ARHGDIB: variants seen among roughly 807,000 people sequenced by gnomAD.
ARHGDIB encodes the protein Rho GDP dissociation inhibitor beta.
In ARHGDIB, 20 loss-of-function variants were observed where a neutral mutation model predicts 22.6. That is an observed-to-expected ratio of 0.88 (90% CI 0.62 to 1.28). The LOEUF is 1.28. ARHGDIB is among the 50% of genes most tolerant of loss of function. ARHGDIB has a pLI of 0.00. For synonymous variants in ARHGDIB, 114 were observed against 96.1 expected, an observed-to-expected ratio of 1.19 and a Z score of -1.09; for missense variants, 254 against 245.4, an observed-to-expected ratio of 1.04 and a Z score of -0.23.
At chr12:14,955,440 T>C (rs1057080358) in intron 1 of ARHGDIB, among the ~76,000 whole-genome samples, 1 of 152,224 alleles carries the variant, frequency 6.6e-6, no homozygotes, top group African/African-American at 2.4e-5. Context: ...ATGAATCAAT[T>C]TCTTAAAAAG....
chr12:14,960,461 T>C (rs1864387306), intron 1 of ARHGDIB, among the ~76,000 whole-genome samples: 1 of 152,190 alleles, frequency 6.6e-6, no homozygotes, highest in Admixed American at 6.5e-5. Flanking sequence ...GTTTTCCATG[T>C]TTGCTGTTAG....
At chr12:14,947,803 G>A in intron 4 of ARHGDIB, 70 bp downstream of exon 4, 3 of 1,294,652 alleles carry the variant, frequency 2.3e-6, no homozygotes, top group Non-Finnish European at 2.2e-6. Flanking sequence ...ACATGATCAT[G>A]CAAGAAATGT....
At chr12:14,949,073 T>C (rs2120711167) in intron 3 of ARHGDIB, among the ~76,000 whole-genome samples, 1 of 152,206 alleles carries the variant, frequency 6.6e-6, no homozygotes. Flanking sequence ...CTCACAAGAG[T>C]CCAATTTTTT....
chr12:14,956,820 C>A lies in ARHGDIB; in HGVS notation c.-13+4717G>T, dbSNP rs183402306. ...AGCATTAGATGTGCTGAGATGGGGA[C>A]TTAATCTTCTCAGGCTCAATTAAAA... On this transcript the variant is annotated intron_variant, in intron 1 of 5. Transcript: ENST00000228945. Among the ~76,000 whole-genome samples, 3 of 152,316 alleles carry A rather than the reference C, an allele frequency of 2.0e-5. No homozygotes were observed. The East Asian group carries it at 5.8e-4, about 29-fold the overall frequency.
intron 1 of ARHGDIB, among the ~76,000 whole-genome samples, chr12:14,959,481 C>T (rs1354403079): frequency 6.6e-6 from 1 of 152,172 alleles, no homozygotes; most frequent in Non-Finnish European, 1.5e-5. Flanking sequence ...TTCTCAGGAA[C>T]AAAATTTGAA....
In ARHGDIB at chr12:14,951,338, C is replaced by A. The variant is rs1172571649; in HGVS notation, c.-12-614G>T. ...GGTTCACACCCAACACTGCTAATCA[C>A]CCCTCAAGGGTGGGTACTAGGTTTG... On this transcript the variant is annotated intron_variant, in intron 1 of 5. Coordinates refer to ENST00000228945, the MANE Select transcript of ARHGDIB (RefSeq NM_001175.7). Among the ~76,000 whole-genome samples the A allele has an allele frequency of 2.0e-5, 3 of 152,224 alleles. No homozygotes were observed. In the East Asian group the frequency reaches 5.8e-4, roughly 29 times the overall value.
chr12:14,948,100 G>GCGCGCT, intron 3 of ARHGDIB, 151 bp from the exon 4 acceptor site: 3 of 436,270 alleles, frequency 6.9e-6, no homozygotes, highest in Non-Finnish European at 1.3e-5. Context: ...TTTAGTCCTT[G>GCGCGCT]CACACACACA....
intron 5 of ARHGDIB, 150 bp from the exon 6 acceptor site, chr12:14,942,871 TC>T: frequency 3.0e-6 from 2 of 656,808 alleles, no homozygotes; most frequent in Non-Finnish European, 5.0e-6. Flanking sequence ...ACCTGAGGCA[TC>T]TTTTTTTTTT....
At chr12:14,955,976 T>C (rs1318186517) in intron 1 of ARHGDIB, among the ~76,000 whole-genome samples, 15 of 152,216 alleles carry the variant, frequency 9.9e-5, no homozygotes, top group Non-Finnish European at 1.9e-4. Context: ...AGTAACTTTG[T>C]TGGCATCATC....
At chr12:14,957,317 C>T (rs1864323394) in intron 1 of ARHGDIB, among the ~76,000 whole-genome samples, 1 of 152,124 alleles carries the variant, frequency 6.6e-6, no homozygotes, top group Admixed American at 6.5e-5. Context: ...AATATTTGTT[C>T]CCTTCCTCTT....
intron 1 of ARHGDIB, among the ~76,000 whole-genome samples, chr12:14,955,658 G>T (rs1169188879): frequency 6.6e-6 from 1 of 152,080 alleles, no homozygotes; most frequent in Non-Finnish European, 1.5e-5. Context: ...TTATTTCTGG[G>T]TAACCTCAGT....
At chr12:14,944,283 A>G (rs1863954610) in intron 5 of ARHGDIB, among the ~76,000 whole-genome samples, 1 of 151,816 alleles carries the variant, frequency 6.6e-6, no homozygotes, top group Non-Finnish European at 1.5e-5. Flanking sequence ...TCAATCCTAG[A>G]AAATATTTTT....
rs1048650473 is a variant in ARHGDIB at position 14,942,052 on chromosome 12, G to A, written c.*470C>T. The A allele has an allele frequency of 6.0e-6, 1 of 166,730 alleles. No homozygotes were observed. Among genetic ancestry groups the A allele is most frequent in the Non-Finnish European group, 1.3e-5 (1 of 75,998 alleles). 10.3% of individuals were successfully genotyped at this position (166,730 alleles called of 1,614,324 possible). A position where few individuals can be genotyped will look rare whatever the true frequency, so the allele number is the denominator to read the frequency against. ...CACACACAGTTATTGTTTTATTCTT[G>A]TTCTCTTGTGTCGTTTACAGTGTCT... is the stretch of plus-strand genomic sequence containing the variant. On this transcript the variant is annotated 3_prime_UTR_variant, in exon 6 of 6. Coordinates refer to ENST00000228945, the MANE Select transcript of ARHGDIB (RefSeq NM_001175.7).
chr12:14,951,906 T>C (rs1864184884), intron 1 of ARHGDIB, among the ~76,000 whole-genome samples: 1 of 151,910 alleles, frequency 6.6e-6, no homozygotes, highest in Admixed American at 6.6e-5. Flanking sequence ...TGAGAGGCAG[T>C]ATACTAACCA....
chr12:14,944,525 C>G (rs115283151), intron 5 of ARHGDIB, among the ~76,000 whole-genome samples: 1 of 152,126 alleles, frequency 6.6e-6, no homozygotes, highest in East Asian at 1.9e-4. Flanking sequence ...TTCTCCTTTA[C>G]GAGTGATAAT....
At position 14,953,681 on chromosome 12, in the gene ARHGDIB, G is replaced by T. The variant is rs562231829; in HGVS notation, c.-12-2957C>A. Among the ~76,000 whole-genome samples, 8 of 152,232 alleles carry T rather than the reference G, an allele frequency of 5.3e-5. No homozygotes were observed. In the South Asian group the frequency reaches 1.7e-3, roughly 32 times the overall value. On this transcript the variant is annotated intron_variant, in intron 1 of 5. Coordinates refer to ENST00000228945, the MANE Select transcript of ARHGDIB (RefSeq NM_001175.7). The stretch of plus-strand genomic sequence containing the variant: ...ATGACATTGTGCATATGATCCAGGG[G>T]TTTGTGGACCCCTGAAGTCCTTTAT...
intron 1 of ARHGDIB, among the ~76,000 whole-genome samples, chr12:14,954,242 G>A (rs1316720809): frequency 6.6e-6 from 1 of 152,192 alleles, no homozygotes; most frequent in African/African-American, 2.4e-5. Flanking sequence ...GCCTCCCAAA[G>A]TGCTGGGATT....
chr12:14,949,870 T>A lies in ARHGDIB; in HGVS notation c.197A>T (p.Asn66Ile), dbSNP rs746429491. The A allele has an allele frequency of 5.0e-6, 8 of 1,613,074 alleles. No homozygotes were observed. The South Asian group carries it at 6.6e-5, about 13-fold the overall frequency. Reference sequence around the variant, plus strand: ...CAGGGTGAGCCGGGTGACAACGACATTGGGGGCTTTCGGATCTGCAGGATC... The same window carrying A: ...CAGGGTGAGCCGGGTGACAACGACAATGGGGGCTTTCGGATCTGCAGGATC... ...GPVVTDPKAP[N>I]VVVTRLTLVC... The change falls in exon 3 of 6, where the codon AAT becomes ATT. Residue 66 changes from asparagine to isoleucine, a missense_variant. Physicochemically the swap from Asn to Ile is moderately radical, Grantham distance 149 (BLOSUM62 -3). Transcript: ENST00000228945.
In ARHGDIB at chr12:14,942,587, C is replaced by T; in HGVS notation, c.541G>A (p.Asp181Asn). ...CAGCTGAGGTGGTCTTGCTTGTCAT[C>T]GTCGGTGAAGAAGGACTTGTTGTGG... ...TYHNKSFFTD[D>N]DKQDHLSWEW... Residue 181 changes from aspartate to asparagine, a missense_variant, in exon 6 of 6, where the codon GAT (aspartate) becomes AAT (asparagine). Physicochemically the swap from Asp to Asn is conservative, Grantham distance 23 (BLOSUM62 1). Coordinates refer to ENST00000228945, the MANE Select transcript of ARHGDIB (RefSeq NM_001175.7). 6.2e-6 allele frequency: 10 copies of T among 1,614,148 alleles called. No individual in the cohort carries two copies. Among genetic ancestry groups the T allele is most frequent in the South Asian group, 1.1e-5 (1 of 91,080 alleles).
Sources: allele counts gnomAD v4.1 joint callset (sites outside exome capture counted in the v4.1 genomes callset), GRCh38; gene constraint gnomAD v4.1.1; transcripts MANE v1.5; gene names NCBI Gene and HGNC (gene_info 2026-07-23, HGNC 2026-07-21).